The following CPNE8 variants were observed in gnomAD, a reference collection of about 807,000 sequenced individuals.
The protein encoded by CPNE8 is copine 8, also known as copine-8.
A neutral mutation model predicts 81.5 loss-of-function variants in CPNE8; 45 were observed. The ratio of observed to expected loss-of-function variants is 0.55; its 90% confidence interval spans 0.44 to 0.71. The LOEUF (loss-of-function observed/expected upper bound fraction) is 0.71. Among genes scored for constraint, CPNE8 ranks in the 30% least tolerant of loss-of-function variants. The pLI, the probability that CPNE8 is intolerant of heterozygous loss-of-function variation, is 0.00. For missense variants in CPNE8, 594 were observed against 672.1 expected (o/e 0.88, Z 1.28); for synonymous variants, 252 against 226.3 (o/e 1.11, Z -1.02).
intron 1 of CPNE8, among the ~76,000 whole-genome samples, chr12:38,875,113 T>C (rs1944048627): frequency 6.6e-6 from 1 of 152,102 alleles, no homozygotes; most frequent in Non-Finnish European, 1.5e-5. Context: ...TATTAGTACT[T>C]TTTTTTCCAG....
intron 10 of CPNE8, among the ~76,000 whole-genome samples, chr12:38,744,436 T>G (rs894963892): frequency 6.6e-6 from 1 of 152,200 alleles, no homozygotes; most frequent in East Asian, 1.9e-4. Context: ...TTCCCCCAAC[T>G]GACAAGTCAG....
At chr12:38,711,423 C>T (rs2136710486) in intron 13 of CPNE8, among the ~76,000 whole-genome samples, 1 of 151,654 alleles carries the variant, frequency 6.6e-6, no homozygotes, top group East Asian at 1.9e-4. Context: ...AAATCACAAT[C>T]ATAAAGTATG....
intron 8 of CPNE8, among the ~76,000 whole-genome samples, chr12:38,767,215 T>C (rs1006270166): frequency 2.0e-4 from 31 of 152,046 alleles, no homozygotes; most frequent in Admixed American, 3.9e-4. Context: ...TACTAGAATA[T>C]AATGAACATT....
chr12:38,683,325 T>C (rs1939452228), intron 16 of CPNE8, among the ~76,000 whole-genome samples: 1 of 152,170 alleles, frequency 6.6e-6, no homozygotes, highest in Non-Finnish European at 1.5e-5. Flanking sequence ...TGTTTTGACA[T>C]TGCTAAAAAT....
At chr12:38,718,734 A>T (rs919061745) in intron 13 of CPNE8, among the ~76,000 whole-genome samples, 1 of 152,216 alleles carries the variant, frequency 6.6e-6, no homozygotes, top group African/African-American at 2.4e-5. Context: ...ACACAAATGC[A>T]CTAATGAAAT....
chr12:38,770,290 C>A (rs1273893189), intron 7 of CPNE8, among the ~76,000 whole-genome samples: 1 of 152,124 alleles, frequency 6.6e-6, no homozygotes, highest in Non-Finnish European at 1.5e-5. Flanking sequence ...CCAAAGAAGC[C>A]ATCCTTGACT....
At chr12:38,717,442 T>TC (rs1940430304) in intron 13 of CPNE8, among the ~76,000 whole-genome samples, 1 of 134,006 alleles carries the variant, frequency 7.5e-6, no homozygotes, top group Non-Finnish European at 1.6e-5. Flanking sequence ...TATATATATA[T>TC]ATATATATAT....
intron 18 of CPNE8, among the ~76,000 whole-genome samples, chr12:38,675,462 TA>T (rs1399660313): frequency 5.3e-5 from 8 of 152,182 alleles, no homozygotes; most frequent in Non-Finnish European, 1.0e-4. Context: ...AATAGAAAGC[TA>T]CATGTTGAAA....
At chr12:38,683,963 A>C (rs1214803147) in intron 16 of CPNE8, among the ~76,000 whole-genome samples, 5 of 152,112 alleles carry the variant, frequency 3.3e-5, no homozygotes, top group African/African-American at 1.2e-4. Flanking sequence ...CTATCACTTT[A>C]ACTTTTACTA....
At chr12:38,877,242 A>G (rs945058965) in intron 1 of CPNE8, among the ~76,000 whole-genome samples, 2 of 152,262 alleles carry the variant, frequency 1.3e-5, no homozygotes, top group East Asian at 1.9e-4. Flanking sequence ...ATAGACTAGT[A>G]TAAAGAGAGA....
intron 7 of CPNE8, among the ~76,000 whole-genome samples, chr12:38,769,723 T>G (rs962959570): frequency 5.3e-5 from 8 of 152,208 alleles, no homozygotes; most frequent in South Asian, 4.1e-4. Flanking sequence ...ATGTGTTTAT[T>G]TCAAATAGAT....
chr12:38,843,659 A>G (rs1270073710), intron 4 of CPNE8, among the ~76,000 whole-genome samples: 4 of 152,174 alleles, frequency 2.6e-5, no homozygotes, highest in African/African-American at 4.8e-5. Flanking sequence ...CTGAGTGACG[A>G]AAAACATAGA....
intron 10 of CPNE8, among the ~76,000 whole-genome samples, chr12:38,739,834 C>T (rs1432476036): frequency 6.6e-6 from 1 of 152,050 alleles, no homozygotes; most frequent in African/African-American, 2.4e-5. Context: ...CATATGCATT[C>T]CAATGGCTTG....
intron 13 of CPNE8, among the ~76,000 whole-genome samples, chr12:38,713,617 T>C (rs1940315661): frequency 6.6e-6 from 1 of 152,090 alleles, no homozygotes; most frequent in South Asian, 2.1e-4. Flanking sequence ...TGATAAGAAA[T>C]TTGGGAGAAA....
intron 1 of CPNE8, 147 bp downstream of exon 1, chr12:38,905,290 G>GT: frequency 1.2e-6 from 1 of 836,660 alleles, no homozygotes; most frequent in South Asian, 1.7e-5. Context: ...CTGACCCGGG[G>GT]TAACTCCAGC....
At chr12:38,663,547 G>C (rs1939004095) in intron 19 of CPNE8, among the ~76,000 whole-genome samples, 1 of 152,070 alleles carries the variant, frequency 6.6e-6, no homozygotes, top group Admixed American at 6.6e-5. Flanking sequence ...CTCATACATT[G>C]TTGGTGGGAA....
intron 3 of CPNE8, among the ~76,000 whole-genome samples, chr12:38,870,658 G>A (rs1212282527): frequency 1.3e-5 from 2 of 152,088 alleles, no homozygotes; most frequent in Non-Finnish European, 2.9e-5. Context: ...GGGGGGCTAG[G>A]GGAGAAATAG....
rs149615299 is a variant in CPNE8, at chr12:38,763,472, G to A, written c.576-1256C>T. ...AGGGCCCATTTAAGTTTAACATCAC[G>A]TCATGAATCTATAGAAAGACCATTT... On this transcript the variant is annotated intron_variant, in intron 8 of 19. Transcript: ENST00000331366. 4.9e-3 allele frequency among the ~76,000 whole-genome samples: 752 copies of A among 152,322 alleles called. 5 individuals are homozygous for A. Among genetic ancestry groups the A allele is most frequent in the African/African-American group, 0.017 (699 of 41,556 alleles).
chr12:38,887,719 C>A (rs1944256722), intron 1 of CPNE8, among the ~76,000 whole-genome samples: 1 of 152,150 alleles, frequency 6.6e-6, no homozygotes, highest in African/African-American at 2.4e-5. Flanking sequence ...TAAACAGAAG[C>A]ACAAGGAAAC....
Sources: allele counts gnomAD v4.1 joint callset (sites outside exome capture counted in the v4.1 genomes callset), GRCh38; gene constraint gnomAD v4.1.1; transcripts MANE v1.5; gene names NCBI Gene and HGNC (gene_info 2026-07-23, HGNC 2026-07-21).